Variants in RCBTB2 observed in about 807,000 individuals in gnomAD.
RCBTB2 encodes the protein RCC1 and BTB domain containing protein 2.
In RCBTB2, 55 loss-of-function variants were observed where a neutral mutation model predicts 65.4. The observed-to-expected ratio is 0.84, with a 90% confidence interval of 0.68 to 1.05. The LOEUF (loss-of-function observed/expected upper bound fraction) is 1.05, where lower values mean the gene tolerates loss of function less well. Ranked by LOEUF, RCBTB2 falls within the 50% of genes least tolerant of loss-of-function variation. The probability of loss-of-function intolerance (pLI) is 0.00; values close to 1 mark genes in which losing one functional copy is unlikely to be tolerated. For missense variants in RCBTB2, 599 were observed against 680.1 expected, an observed-to-expected ratio of 0.88 and a Z score of 1.33; for synonymous variants, 220 against 255.2, an observed-to-expected ratio of 0.86 and a Z score of 1.31.
chr13:48,517,783 C>A (rs9316390), intron 4 of RCBTB2, among the ~76,000 whole-genome samples: 6,598 of 152,258 alleles, frequency 0.043, 313 homozygotes, highest in African/African-American at 0.11. Flanking sequence ...AGAGGAGCTG[C>A]AGTGGGTTGA....
upstream of RCBTB2, chr13:48,533,139 C>T (rs1215965769): frequency 2.5e-6 from 1 of 399,604 alleles, no homozygotes; most frequent in Non-Finnish European, 5.1e-6. Flanking sequence ...GGCCCGGCCT[C>T]GGCGGGATGC....
At chr13:48,498,297 AG>A (rs1371661469) in intron 13 of RCBTB2, among the ~76,000 whole-genome samples, 1 of 152,226 alleles carries the variant, frequency 6.6e-6, no homozygotes, top group Non-Finnish European at 1.5e-5. Context: ...ACATTTTTCA[AG>A]GTGGGAGGAT....
At position 48,502,953 on chromosome 13, in the gene RCBTB2, G is replaced by A. The variant is rs112050421; in HGVS notation, c.927-39C>T. The A allele has an allele frequency of 5.1e-5, 64 of 1,255,586 alleles. 1 individual carries two copies. The Admixed American group carries it at 7.3e-4, about 14-fold the overall frequency. 77.8% of individuals were successfully genotyped at this position (1,255,586 alleles called of 1,614,324 possible). A position where few individuals can be genotyped will look rare whatever the true frequency, so the allele number is the denominator to read the frequency against. On this transcript the variant is annotated intron_variant, in intron 10 of 14. Transcript: ENST00000344532. ...CACACACCACATAAGCACAGTGACC[G>A]GGGCAGAAACAAGTTGGGTCCTCCT...
At chr13:48,523,594 T>C (rs1951540148) in intron 2 of RCBTB2, among the ~76,000 whole-genome samples, 1 of 152,046 alleles carries the variant, frequency 6.6e-6, no homozygotes. Context: ...AGGAAACACT[T>C]TTTCCATATT....
In RCBTB2 at chr13:48,496,321, C is replaced by G; in HGVS notation, c.1385G>C (p.Gly462Ala). The G allele has an allele frequency of 6.4e-7, 1 of 1,558,520 alleles. No individual in the cohort carries two copies. Among genetic ancestry groups the G allele is most frequent in the Non-Finnish European group, 8.7e-7 (1 of 1,152,650 alleles). Residue 462 changes from glycine (G) to alanine (A), a missense_variant and splice_region_variant, in exon 14 of 15, where the codon GGA becomes GCA. Coordinates refer to ENST00000344532, the MANE Select transcript of RCBTB2 (RefSeq NM_001268.4). ...SISLSPEEAV[G>A]LLDLATFYRE... ...ATAAAATGTAGCCAAGTCTAGCAGT[C>G]CTGGCGGAAAGAGGTGTTTATTAGG...
rs1951450090 is a variant in RCBTB2, at chr13:48,521,927, GTTC to G, written c.10_12del (p.Glu4del). On this transcript the variant is annotated inframe_deletion, in exon 4 of 15. Coordinates refer to ENST00000344532, the MANE Select transcript of RCBTB2 (RefSeq NM_001268.4). ...CCACTGTCTCCAGAGAAAAGAGGAA[GTTC>G]TTCTTCCATATGGACTCAGTCCTGG... 10 of 1,613,870 alleles carry G rather than the reference GTTC, an allele frequency of 6.2e-6. No homozygotes were observed. The highest frequency in any genetic ancestry group is 2.7e-5 in the African/African-American group (2 of 75,040).
intron 10 of RCBTB2, among the ~76,000 whole-genome samples, chr13:48,507,563 T>C (rs1045326752): frequency 1.3e-5 from 2 of 152,166 alleles, no homozygotes; most frequent in Non-Finnish European, 2.9e-5. Flanking sequence ...TTATTGGCTA[T>C]GAAGTACTAG....
In RCBTB2 at chr13:48,508,238, G is replaced by A. The variant is rs550827985; in HGVS notation, c.926+2391C>T. 3.9e-5 allele frequency among the ~76,000 whole-genome samples: 6 copies of A among 152,250 alleles called. No homozygotes were observed. In the South Asian group the frequency reaches 1.2e-3, roughly 32 times the overall value. Reference sequence around the variant, plus strand: ...ACATATACTTGACTTTCCCATCCCTGGAAAGGGTGGAGAAGTGCAGAACAA... The same window carrying A: ...ACATATACTTGACTTTCCCATCCCTAGAAAGGGTGGAGAAGTGCAGAACAA... On this transcript the variant is annotated intron_variant, in intron 10 of 14. Transcript: ENST00000344532.
At position 48,514,136 on chromosome 13, in the gene RCBTB2, C is replaced by T. The variant is rs182098644; in HGVS notation, c.349+1069G>A. On this transcript the variant is annotated intron_variant, in intron 6 of 14. Transcript: ENST00000344532. Reference sequence around the variant, plus strand: ...CCGTATGGTTTCTCTTTGGCATATCCAAATTGCAAGCATCACTACTCTTGC... The same window carrying T: ...CCGTATGGTTTCTCTTTGGCATATCTAAATTGCAAGCATCACTACTCTTGC... Among the ~76,000 whole-genome samples the T allele has an allele frequency of 6.0e-4, 92 of 152,286 alleles. 1 individual carries two copies. Among genetic ancestry groups the T allele is most frequent in the African/African-American group, 2.2e-3 (92 of 41,562 alleles).
intron 9 of RCBTB2, among the ~76,000 whole-genome samples, chr13:48,511,270 G>A (rs1331769579): frequency 6.6e-6 from 1 of 151,996 alleles, no homozygotes; most frequent in Non-Finnish European, 1.5e-5. Context: ...ACACATAGCA[G>A]TTTTCCATGT....
At chr13:48,505,581 C>T (rs1395968526) in intron 10 of RCBTB2, among the ~76,000 whole-genome samples, 2 of 152,178 alleles carry the variant, frequency 1.3e-5, no homozygotes, top group African/African-American at 2.4e-5. Context: ...AAGAGAAGTA[C>T]GTCCACTGTT....
At chr13:48,493,315 A>ACTCTCTCTCTCTCT (rs3085593) in intron 14 of RCBTB2, among the ~76,000 whole-genome samples, 110 of 75,064 alleles carry the variant, frequency 1.5e-3, no homozygotes, top group Middle Eastern at 8.5e-3. Context: ...ACACACACAC[A>ACTCTCTCTCTCTCT]CTCTCTCTCT....
intron 10 of RCBTB2, chr13:48,504,529 C>T (rs1950394627): frequency 6.1e-6 from 1 of 163,832 alleles, no homozygotes; most frequent in African/African-American, 2.4e-5. Context: ...TGAGGTCTCC[C>T]GCTCACCTGA....
chr13:48,501,148 G>A (rs1233923712), intron 12 of RCBTB2, among the ~76,000 whole-genome samples: 1 of 152,182 alleles, frequency 6.6e-6, no homozygotes, highest in Non-Finnish European at 1.5e-5. Flanking sequence ...GAAGGGTGAT[G>A]GGAATGTTCT....
intron 1 of RCBTB2, among the ~76,000 whole-genome samples, chr13:48,526,683 G>A (rs2138639675): frequency 6.6e-6 from 1 of 152,228 alleles, no homozygotes; most frequent in Non-Finnish European, 1.5e-5. Context: ...GGGAGGCAGA[G>A]ATGGGAGGAT....
At chr13:48,499,187 C>T (rs1950122637) in intron 13 of RCBTB2, among the ~76,000 whole-genome samples, 1 of 151,086 alleles carries the variant, frequency 6.6e-6, no homozygotes, top group Admixed American at 6.6e-5. Context: ...CACACACATC[C>T]ATTCTTCCTT....
Position 48,515,233 on chromosome 13 carries a change from A to G in RCBTB2, c.321T>C (p.Ser107=). ...GKKIACLSYG[S]GPHIVLATTE... is the part of the protein sequence containing the mutation. ...TTGTTGCAAGGACAATATGTGGACC[A>G]CTCCCATAGCTGAGGCAGGCTATTT... is the stretch of plus-strand genomic sequence containing the variant. Residue 107 remains serine, a synonymous_variant, in exon 6 of 15, where the codon AGT becomes AGC. Transcript: ENST00000344532. The G allele has an allele frequency of 6.2e-7, 1 of 1,613,954 alleles. No individual in the cohort carries two copies. Among genetic ancestry groups the G allele is most frequent in the Non-Finnish European group, 8.5e-7 (1 of 1,179,966 alleles).
upstream of RCBTB2, among the ~76,000 whole-genome samples, chr13:48,535,295 G>T (rs974133223): frequency 2.4e-5 from 3 of 127,130 alleles, no homozygotes; most frequent in Non-Finnish European, 1.6e-5. Context: ...TTGCTCTGTT[G>T]CCCAGGTTGG....
chr13:48,515,453 T>C, intron 5 of RCBTB2, 98 bp from the exon 6 acceptor site: 3 of 1,390,338 alleles, frequency 2.2e-6, no homozygotes, highest in Non-Finnish European at 3.0e-6. Flanking sequence ...AAACTGCTTC[T>C]TTATATAATA....
Sources: gnomAD v4.1 joint callset for allele counts (sites outside exome capture counted in the v4.1 genomes callset) on GRCh38, gnomAD v4.1.1 for gene constraint, MANE v1.5 for transcripts, NCBI Gene and HGNC (gene_info 2026-07-23, HGNC 2026-07-21) for gene names.